GRID2: variants seen among roughly 807,000 people sequenced by gnomAD.
GRID2 encodes glutamate receptor ionotropic, delta-2.
Under a neutral mutation model 114.8 loss-of-function variants are expected in GRID2, and 33 were observed. The ratio of observed to expected loss-of-function variants is 0.29; its 90% CI spans 0.22 to 0.38. The LOEUF (loss-of-function observed/expected upper bound fraction) is 0.38. Ranked by LOEUF, GRID2 falls within the 10% of genes least tolerant of loss-of-function variation. The probability of loss-of-function intolerance (pLI) is 1.00; values close to 1 mark genes in which losing one functional copy is unlikely to be tolerated. For missense variants in GRID2, 1,184 were observed against 1,257.7 expected (o/e 0.94, Z 0.89); for synonymous variants, 505 against 449.9 (o/e 1.12, Z -1.55).
intron 2 of GRID2, among the ~76,000 whole-genome samples, chr4:92,775,406 T>A (rs1738744004): frequency 6.6e-6 from 1 of 152,152 alleles, no homozygotes; most frequent in South Asian, 2.1e-4. Flanking sequence ...GCAAGTAACT[T>A]GAGTCTCAGA....
chr4:93,036,317 A>G (rs1724928505), intron 2 of GRID2, among the ~76,000 whole-genome samples: 1 of 152,122 alleles, frequency 6.6e-6, no homozygotes, highest in Non-Finnish European at 1.5e-5. Context: ...ATTAAAAATG[A>G]GCATTTACAT....
At chr4:92,818,613 A>C (rs140734389) in intron 2 of GRID2, among the ~76,000 whole-genome samples, 372 of 152,260 alleles carry the variant, frequency 2.4e-3, no homozygotes, top group African/African-American at 8.5e-3. Flanking sequence ...GCAAGTGGCA[A>C]ATATATGAGG....
chr4:93,042,649 C>A (rs1725684659), intron 2 of GRID2, among the ~76,000 whole-genome samples: 1 of 143,088 alleles, frequency 7.0e-6, no homozygotes, highest in Admixed American at 7.1e-5. Flanking sequence ...ATATTTCTAT[C>A]TCTATATTTC....
intron 4 of GRID2, among the ~76,000 whole-genome samples, chr4:93,143,920 T>G (rs1735975255): frequency 1.3e-5 from 2 of 152,164 alleles, no homozygotes; most frequent in South Asian, 4.1e-4. Context: ...AAGTTTTTCT[T>G]AAAGGACATT....
At chr4:93,629,140 C>T (rs953496297) in intron 14 of GRID2, among the ~76,000 whole-genome samples, 2 of 151,972 alleles carry the variant, frequency 1.3e-5, no homozygotes, top group African/African-American at 4.8e-5. Context: ...ATAAATCACA[C>T]CAAGTGTTGC....
intron 14 of GRID2, among the ~76,000 whole-genome samples, chr4:93,683,839 C>G (rs1025498857): frequency 6.6e-6 from 1 of 152,040 alleles, no homozygotes; most frequent in African/African-American, 2.4e-5. Flanking sequence ...TATTATAAAA[C>G]CAACACAATT....
chr4:92,694,394 A>G (rs1410157132), intron 2 of GRID2, among the ~76,000 whole-genome samples: 1 of 152,166 alleles, frequency 6.6e-6, no homozygotes, highest in Non-Finnish European at 1.5e-5. Flanking sequence ...CACCAGAACT[A>G]TCTGGAAGAC....
chr4:93,095,783 A>G (rs1731167913), intron 3 of GRID2, among the ~76,000 whole-genome samples: 1 of 152,084 alleles, frequency 6.6e-6, no homozygotes. Flanking sequence ...ATATATGTTC[A>G]TGATTTTCAA....
intron 1 of GRID2, among the ~76,000 whole-genome samples, chr4:92,306,287 G>A (rs1725403729): frequency 1.3e-5 from 2 of 152,336 alleles, no homozygotes; most frequent in African/African-American, 4.8e-5. Flanking sequence ...TAGCGTTTGT[G>A]CATTAAGTAA....
chr4:93,436,118 C>T (rs569172084), intron 10 of GRID2, among the ~76,000 whole-genome samples: 1 of 152,194 alleles, frequency 6.6e-6, no homozygotes, highest in South Asian at 2.1e-4. Flanking sequence ...TAATTTAATT[C>T]TCACAAAACT....
rs564016158 is a variant in GRID2 at position 92,539,900 on chromosome 4, A to G, written c.89-50231A>G. On this transcript the variant is annotated intron_variant, in intron 1 of 15. Coordinates refer to ENST00000282020, the MANE Select transcript of GRID2 (RefSeq NM_001510.4). ...TAGCTACCTGACTTCAAACTATACT[A>G]CAAGGCTACAATAACCAAAACAGCA... Among the ~76,000 whole-genome samples, 7 of 152,276 alleles carry G rather than the reference A, an allele frequency of 4.6e-5. 1 individual carries two copies. The South Asian group carries it at 1.4e-3, about 32-fold the overall frequency.
At chr4:93,052,682 T>C (rs1291140906) in intron 2 of GRID2, among the ~76,000 whole-genome samples, 2 of 151,926 alleles carry the variant, frequency 1.3e-5, no homozygotes, top group Non-Finnish European at 1.5e-5. Flanking sequence ...TGACTGTATA[T>C]GGCAATATAC....
At chr4:92,647,790 C>A (rs537129139) in intron 2 of GRID2, among the ~76,000 whole-genome samples, 3 of 149,674 alleles carry the variant, frequency 2.0e-5, no homozygotes, top group Non-Finnish European at 1.5e-5. Flanking sequence ...ATTCATTATA[C>A]TTAACAAATT....
At position 93,490,330 on chromosome 4, in the gene GRID2, C is replaced by A. The variant is rs1352595151; in HGVS notation, c.1859-309C>A. ...CACCTAACTAATGAATAATCAAGCC[C>A]TTGGAAAGAAAGCATATACCTGTGA... On this transcript the variant is annotated intron_variant, in intron 11 of 15. Transcript: ENST00000282020. Among the ~76,000 whole-genome samples the A allele has an allele frequency of 2.0e-5, 3 of 151,700 alleles. No homozygotes were observed. The East Asian group carries it at 5.8e-4, about 30-fold the overall frequency.
At chr4:93,017,164 T>A (rs902162468) in intron 2 of GRID2, among the ~76,000 whole-genome samples, 13 of 152,218 alleles carry the variant, frequency 8.5e-5, no homozygotes, top group African/African-American at 3.1e-4. Flanking sequence ...GGGGATTTTT[T>A]AAAAAATTTG....
chr4:92,980,674 C>G (rs1044260021), intron 2 of GRID2, among the ~76,000 whole-genome samples: 14 of 151,858 alleles, frequency 9.2e-5, no homozygotes, highest in Non-Finnish European at 2.1e-4. Context: ...GTGCAAATGT[C>G]AAACTCCTAG....
intron 1 of GRID2, among the ~76,000 whole-genome samples, chr4:92,554,633 T>C (rs1330656130): frequency 6.6e-6 from 1 of 152,150 alleles, no homozygotes; most frequent in Non-Finnish European, 1.5e-5. Context: ...AATCTATCCA[T>C]TGGACATTTT....
chr4:93,203,103 C>A (rs1376846406), intron 4 of GRID2, among the ~76,000 whole-genome samples: 1 of 152,092 alleles, frequency 6.6e-6, no homozygotes, highest in Non-Finnish European at 1.5e-5. Flanking sequence ...AATGCTCCTA[C>A]CATTACTGAT....
intron 14 of GRID2, among the ~76,000 whole-genome samples, chr4:93,705,295 G>A (rs1207986251): frequency 6.7e-6 from 1 of 149,528 alleles, no homozygotes; most frequent in Non-Finnish European, 1.5e-5. Context: ...CCTAGTTTTT[G>A]TTTTGTTGTT....
Sources: gnomAD v4.1 joint callset for allele counts (sites outside exome capture counted in the v4.1 genomes callset) on GRCh38, gnomAD v4.1.1 for gene constraint, MANE v1.5 for transcripts, NCBI Gene and HGNC (gene_info 2026-07-23, HGNC 2026-07-21) for gene names.